EP300: variants seen among roughly 807,000 people sequenced by gnomAD.
EP300 encodes the protein histone acetyltransferase p300.
Under a neutral mutation model 264.0 loss-of-function variants are expected in EP300, and 31 were observed. That is an observed-to-expected ratio of 0.12 (90% CI 0.09 to 0.16). The LOEUF (loss-of-function observed/expected upper bound fraction) is 0.16. EP300 is among the 10% of genes least tolerant of loss of function. The probability of loss-of-function intolerance (pLI) is 1.00; values close to 1 mark genes in which losing one functional copy is unlikely to be tolerated. For synonymous variants in EP300, 1,340 were observed against 1,045.4 expected (o/e 1.28, Z -5.44); for missense variants, 2,766 against 3,052.9 (o/e 0.91, Z 2.21).
chr22:41,171,198 C>T (rs777845581), intron 27 of EP300, among the ~76,000 whole-genome samples: 20 of 151,710 alleles, frequency 1.3e-4, no homozygotes, highest in Non-Finnish European at 2.9e-5. Flanking sequence ...CCATGCTGCC[C>T]AGGCTGGACT....
chr22:41,114,926 C>T (rs2058812930), intron 1 of EP300, among the ~76,000 whole-genome samples: 1 of 151,698 alleles, frequency 6.6e-6, no homozygotes, highest in Admixed American at 6.6e-5. Flanking sequence ...AATATTTTGT[C>T]TTCAAGGGAT....
intron 4 of EP300, among the ~76,000 whole-genome samples, chr22:41,128,012 A>G (rs986382446): frequency 2.0e-5 from 3 of 151,980 alleles, no homozygotes; most frequent in Non-Finnish European, 4.4e-5. Flanking sequence ...ACATAGCAAG[A>G]CCTCGCCGGG....
At chr22:41,167,586 A>G (rs5751057) in intron 23 of EP300, among the ~76,000 whole-genome samples, 584 of 4,780 alleles carry the variant, frequency 0.12, 6 homozygotes, top group East Asian at 0.29. Context: ...GTGTGTGTGT[A>G]TATATATATA....
intron 29 of EP300, 63 bp downstream of exon 29, chr22:41,173,847 C>CA: frequency 6.2e-7 from 1 of 1,600,312 alleles, no homozygotes; most frequent in Non-Finnish European, 8.6e-7. Flanking sequence ...CATGGTGGCT[C>CA]ACACCTGTAA....
intron 1 of EP300, among the ~76,000 whole-genome samples, chr22:41,107,457 A>G (rs920720994): frequency 9.9e-5 from 15 of 152,010 alleles, no homozygotes; most frequent in Admixed American, 1.3e-4. Context: ...GAGAGATACT[A>G]ATATAGTAGA....
chr22:41,139,430 A>T (rs2058969741), intron 8 of EP300, among the ~76,000 whole-genome samples: 1 of 152,194 alleles, frequency 6.6e-6, no homozygotes, highest in African/African-American at 2.4e-5. Flanking sequence ...ATTTGACTTT[A>T]CGTTAAAAGT....
intron 29 of EP300, 89 bp from the exon 30 acceptor site, chr22:41,176,155 GGTT>G: frequency 6.9e-7 from 1 of 1,459,314 alleles, no homozygotes; most frequent in Admixed American, 1.7e-5. Context: ...AGGAGGCAGA[GGTT>G]GTAGTGAGCC....
intron 1 of EP300, among the ~76,000 whole-genome samples, chr22:41,106,739 A>G (rs2058760081): frequency 6.7e-6 from 1 of 149,492 alleles, no homozygotes; most frequent in African/African-American, 2.5e-5. Flanking sequence ...CTCAGCCTGT[A>G]GCTGCACCAC....
intron 1 of EP300, among the ~76,000 whole-genome samples, chr22:41,096,731 C>T (rs2058704709): frequency 6.7e-6 from 1 of 150,092 alleles, no homozygotes; most frequent in African/African-American, 2.5e-5. Context: ...CGATTCTCTG[C>T]TTCACCCTCC....
At chr22:41,122,268 T>C (rs1372110501) in intron 2 of EP300, among the ~76,000 whole-genome samples, 1 of 149,322 alleles carries the variant, frequency 6.7e-6, no homozygotes, top group Non-Finnish European at 1.5e-5. Flanking sequence ...CAGGTTTAAG[T>C]GATTCTCCTG....
At chr22:41,116,855 GTGT>G (rs1225491728) in intron 1 of EP300, among the ~76,000 whole-genome samples, 16 of 152,284 alleles carry the variant, frequency 1.1e-4, no homozygotes, top group Admixed American at 2.6e-4. Flanking sequence ...CAGCTCAGGA[GTGT>G]AAGACCAGCC....
rs1437011115 is a variant in EP300, at chr22:41,117,583, G to A, written c.491G>A (p.Gly164Glu). The A allele has an allele frequency of 2.5e-6, 4 of 1,614,236 alleles. No homozygotes were observed. Among genetic ancestry groups the A allele is most frequent in the Admixed American group, 1.7e-5 (1 of 60,026 alleles). Residue 164 changes from glycine (G) to glutamate (E), a missense_variant, in exon 2 of 31, where the codon GGA (glycine) becomes GAA (glutamate). Coordinates refer to ENST00000263253, the MANE Select transcript of EP300 (RefSeq NM_001429.4). ...MNSPVNQPAM[G>E]MNTGMNAGMN... The stretch of plus-strand genomic sequence containing the variant: ...AGTCCAGTAAATCAGCCTGCCATGG[G>A]AATGAACACAGGGATGAATGCGGGC...
chr22:41,157,249 C>T lies in EP300; in HGVS notation c.3342C>T (p.Pro1114=), dbSNP rs769265808. The change falls in exon 18 of 31, where the codon CCC becomes CCT. Residue 1114 remains proline (P), a synonymous_variant. Transcript: ENST00000263253. The part of the protein sequence containing the change: ...RKLDTGQYQE[P]WQYVDDIWLM... Reference sequence around the variant, plus strand: ...TAGACACTGGACAGTATCAGGAGCCCTGGCAGTATGTCGATGATATTTGGC... The same window carrying T: ...TAGACACTGGACAGTATCAGGAGCCTTGGCAGTATGTCGATGATATTTGGC... 1 of 1,614,130 alleles carries T rather than the reference C, an allele frequency of 6.2e-7. No individual in the cohort carries two copies. The highest frequency in any genetic ancestry group is 8.5e-7 in the Non-Finnish European group (1 of 1,180,026).
At chr22:41,096,859 TCCAC>T (rs1266335366) in intron 1 of EP300, among the ~76,000 whole-genome samples, 1 of 152,106 alleles carries the variant, frequency 6.6e-6, no homozygotes, top group Non-Finnish European at 1.5e-5. Context: ...CCTCAGGTGA[TCCAC>T]CCGCCTCAGC....
Position 41,178,451 on chromosome 22 carries a change from AGGCCTTGGG to A in EP300, c.6741_6749del (p.Leu2249_Ala2251del). ...ATGGGACAGATAGGCCAGCTTCCCC[AGGCCTTGGG>A]AGCAGAGGCAGGTGCCAGTCTACAG... On this transcript the variant is annotated inframe_deletion, in exon 31 of 31. Transcript: ENST00000263253. 1 of 1,614,106 alleles carries A rather than the reference AGGCCTTGGG, an allele frequency of 6.2e-7. No homozygotes were observed. Among genetic ancestry groups the A allele is most frequent in the Non-Finnish European group, 8.5e-7 (1 of 1,180,026 alleles).
intron 1 of EP300, among the ~76,000 whole-genome samples, chr22:41,113,631 C>CTT (rs1456931229): frequency 6.6e-6 from 1 of 152,224 alleles, no homozygotes; most frequent in Non-Finnish European, 1.5e-5. Context: ...ACTGCAAACT[C>CTT]TGTCTCCCGG....
rs551885116 is a variant in EP300, at chr22:41,176,402, A to C, written c.4935A>C (p.Arg1645=). Residue 1645 remains arginine, a synonymous_variant, in exon 30 of 31, where the codon CGA becomes CGC. Coordinates refer to ENST00000263253, the MANE Select transcript of EP300 (RefSeq NM_001429.4). ...AGCACCTGGAGTTCTCTTCACTCCGAAGAGCCCAGTGGTCCACCATGTGCA... is the reference window on the plus strand; with the variant it reads ...AGCACCTGGAGTTCTCTTCACTCCGCAGAGCCCAGTGGTCCACCATGTGCA... The part of the protein sequence containing the change: ...RDKHLEFSSL[R]RAQWSTMCML... 9 of 1,614,202 alleles carry C rather than the reference A, an allele frequency of 5.6e-6. No homozygotes were observed. Among genetic ancestry groups the C allele is most frequent in the Middle Eastern group, 1.6e-4 (1 of 6,062 alleles).
intron 6 of EP300, among the ~76,000 whole-genome samples, chr22:41,134,673 G>A (rs1026718500): frequency 2.0e-5 from 3 of 152,082 alleles, no homozygotes; most frequent in Non-Finnish European, 2.9e-5. Flanking sequence ...TGTGTTTTTC[G>A]TTACTTCCAT....
Position 41,178,084 on chromosome 22 carries a change from C to G in EP300, c.6373C>G (p.His2125Asp). ...PPTMPGQQGV[H>D]SNPAMQNMNP... ...TACCATGCCAGGTCAGCAGGGGGTC[C>G]ACTCCAATCCAGCCATGCAGAACAT... Residue 2125 changes from histidine (H) to aspartate (D), a missense_variant, in exon 31 of 31, where the codon CAC becomes GAC. His to Asp is a moderately conservative substitution (Grantham distance 81, BLOSUM62 -1). Coordinates refer to ENST00000263253, the MANE Select transcript of EP300 (RefSeq NM_001429.4). The G allele has an allele frequency of 2.5e-6, 4 of 1,614,136 alleles. No individual in the cohort carries two copies. Among genetic ancestry groups the G allele is most frequent in the Non-Finnish European group, 3.4e-6 (4 of 1,179,992 alleles).
Sources: allele counts gnomAD v4.1 joint callset (sites outside exome capture counted in the v4.1 genomes callset), GRCh38; gene constraint gnomAD v4.1.1; transcripts MANE v1.5; gene names NCBI Gene and HGNC (gene_info 2026-07-23, HGNC 2026-07-21).